The following IL13RA1 variants were observed in gnomAD, a reference collection of about 807,000 sequenced individuals.
The protein encoded by IL13RA1 is interleukin 13 receptor subunit alpha 1.
A neutral mutation model predicts 33.8 loss-of-function variants in IL13RA1; 14 were observed. The observed-to-expected ratio is 0.41, with a 90% CI of 0.27 to 0.65. The LOEUF is 0.65. IL13RA1 is among the 30% of genes least tolerant of loss of function. The probability of loss-of-function intolerance (pLI) is 0.28; values close to 1 mark genes in which losing one functional copy is unlikely to be tolerated. For synonymous variants in IL13RA1, 116 were observed against 115.7 expected, an observed-to-expected ratio of 1.00 and a Z score of -0.02; for missense variants, 313 against 327.0, an observed-to-expected ratio of 0.96 and a Z score of 0.33.
intron 9 of IL13RA1, among the ~76,000 whole-genome samples, chrX:118,775,028 C>G (rs1226324001): frequency 1.8e-5 from 2 of 111,374 alleles, no homozygotes; most frequent in Admixed American, 1.9e-4. Context: ...TACACACACA[C>G]ACACAAAATA....
At chrX:118,751,114 G>A (rs1482363113) in intron 4 of IL13RA1, among the ~76,000 whole-genome samples, 3 of 112,062 alleles carry the variant, frequency 2.7e-5, no homozygotes, top group Non-Finnish European at 5.6e-5. Flanking sequence ...GCCTCAAAAA[G>A]TAGTTTAGCT....
intron 6 of IL13RA1, chrX:118,761,621 T>G (rs1438658447): frequency 7.8e-6 from 1 of 128,390 alleles, no homozygotes; most frequent in Non-Finnish European, 1.6e-5. Flanking sequence ...ACATGACACC[T>G]GACAAGTTTT....
At chrX:118,781,967 C>T (rs190625000) in intron 10 of IL13RA1, among the ~76,000 whole-genome samples, 1 of 112,611 alleles carries the variant, frequency 8.9e-6, no homozygotes, top group African/African-American at 3.2e-5. Flanking sequence ...AAGTCTTCAG[C>T]TAATGCTTTT....
At chrX:118,771,299 T>A (rs142717178) in intron 8 of IL13RA1, among the ~76,000 whole-genome samples, 1 of 110,979 alleles carries the variant, frequency 9.0e-6, no homozygotes, top group African/African-American at 3.3e-5. Context: ...GTGGTTTTCT[T>A]TTCTTTGTGG....
At chrX:118,799,299 C>T (rs1292841031), downstream of IL13RA1, among the ~76,000 whole-genome samples, 6 of 113,190 alleles carry the variant, frequency 5.3e-5, no homozygotes, top group South Asian at 3.6e-4. Flanking sequence ...CCCTGCTCCA[C>T]GGCGCCCAGT....
chrX:118,772,901 T>C (rs2017740305), intron 8 of IL13RA1, among the ~76,000 whole-genome samples: 1 of 112,571 alleles, frequency 8.9e-6, no homozygotes, highest in African/African-American at 3.2e-5. Context: ...GGGACAACTA[T>C]GATTTAAGAG....
At chrX:118,773,242 G>A (rs1348518921) in intron 8 of IL13RA1, among the ~76,000 whole-genome samples, 1 of 112,148 alleles carries the variant, frequency 8.9e-6, no homozygotes, top group Non-Finnish European at 1.9e-5. Context: ...TGTAATCCCA[G>A]CAATTTGTGA....
intron 1 of IL13RA1, among the ~76,000 whole-genome samples, chrX:118,733,325 C>G (rs1226731872): frequency 8.9e-6 from 1 of 111,771 alleles, no homozygotes; most frequent in African/African-American, 3.3e-5. Flanking sequence ...TTGATAGTAG[C>G]CATTCTAATG....
intron 10 of IL13RA1, among the ~76,000 whole-genome samples, chrX:118,782,557 A>G (rs2997052): frequency 0.29 from 31,807 of 108,893 alleles, 4,319 homozygotes; most frequent in African/African-American, 0.48. Flanking sequence ...GTACCAAGTT[A>G]TTCCTCTCCA....
At chrX:118,789,053 A>G (rs1329048097) in intron 10 of IL13RA1, among the ~76,000 whole-genome samples, 2 of 112,427 alleles carry the variant, frequency 1.8e-5, no homozygotes, top group African/African-American at 6.5e-5. Context: ...GGTCCCAAGC[A>G]TTTTGCATAA....
chrX:118,750,187 T>C (rs1210527345), intron 4 of IL13RA1, among the ~76,000 whole-genome samples: 2 of 111,429 alleles, frequency 1.8e-5, no homozygotes, highest in Non-Finnish European at 3.8e-5. Flanking sequence ...TGTGAAGATA[T>C]ACAATGGTTG....
intron 1 of IL13RA1, among the ~76,000 whole-genome samples, chrX:118,728,041 A>G (rs1270484722): frequency 9.3e-6 from 1 of 107,683 alleles, no homozygotes; most frequent in Non-Finnish European, 1.9e-5. Context: ...GCTGGCGTCC[A>G]GGCGTGCGGG....
At chrX:118,782,374 C>A (rs1210031535) in intron 10 of IL13RA1, among the ~76,000 whole-genome samples, 7 of 111,312 alleles carry the variant, frequency 6.3e-5, no homozygotes, top group Non-Finnish European at 1.1e-4. Context: ...CGTGCCTGGC[C>A]CATTTCTACA....
At position 118,770,473 on chromosome X, in the gene IL13RA1, C is replaced by T. The variant is rs747057121; in HGVS notation, c.1010-3406C>T. On this transcript the variant is annotated intron_variant, in intron 8 of 10. Transcript: ENST00000371666. ...AGCACCCCTGCCCAACTGGCGCTGG[C>T]TGGTCTACGACAAGCTCAGCCCCAT... The T allele has an allele frequency of 3.8e-5, 17 of 449,562 alleles. No homozygotes were observed. The Admixed American group carries it at 4.5e-4, about 12-fold the overall frequency. The allele number at this position is 449,562 out of a possible 1,213,427, so 37.0% of individuals were successfully genotyped here.
At chrX:118,776,898 A>T (rs904781454) in intron 10 of IL13RA1, among the ~76,000 whole-genome samples, 35 of 109,030 alleles carry the variant, frequency 3.2e-4, no homozygotes, top group African/African-American at 1.1e-3. Context: ...CAGGAGTTCA[A>T]GGTTGCAGTG....
chrX:118,799,522 C>T (rs1445346279), downstream of IL13RA1, among the ~76,000 whole-genome samples: 3 of 110,760 alleles, frequency 2.7e-5, no homozygotes, highest in Admixed American at 9.5e-5. Flanking sequence ...GTGCACCAAT[C>T]GACACTCTGT....
intron 10 of IL13RA1, among the ~76,000 whole-genome samples, chrX:118,785,944 C>A: frequency 9.0e-6 from 1 of 111,142 alleles, no homozygotes; most frequent in Non-Finnish European, 1.9e-5. Context: ...TTAATATATT[C>A]TTCTACATTG....
intron 4 of IL13RA1, among the ~76,000 whole-genome samples, chrX:118,753,628 G>A (rs1379692296): frequency 8.8e-6 from 1 of 113,312 alleles, no homozygotes; most frequent in Non-Finnish European, 1.9e-5. Context: ...CCAGGCCCAA[G>A]CCATCCCCCC....
intron 10 of IL13RA1, among the ~76,000 whole-genome samples, chrX:118,783,991 G>A (rs1330907903): frequency 1.0e-5 from 1 of 96,921 alleles, no homozygotes; most frequent in Non-Finnish European, 2.0e-5. Context: ...CAGGAGAATC[G>A]CTTAAGCCTG....
Sources: allele counts gnomAD v4.1 joint callset (sites outside exome capture counted in the v4.1 genomes callset), GRCh38; gene constraint gnomAD v4.1.1; transcripts MANE v1.5; gene names NCBI Gene and HGNC (gene_info 2026-07-23, HGNC 2026-07-21).